RBFOX2: variants seen among roughly 807,000 people sequenced by gnomAD.
The protein encoded by RBFOX2 is RNA binding protein fox-1 homolog 2.
A neutral mutation model predicts 49.1 loss-of-function variants in RBFOX2; 10 were observed. The ratio of observed to expected loss-of-function variants is 0.20; its 90% CI spans 0.13 to 0.35. The LOEUF (loss-of-function observed/expected upper bound fraction) is 0.35, where lower values mean the gene tolerates loss of function less well. Ranked by LOEUF, RBFOX2 falls within the 10% of genes least tolerant of loss-of-function variation. RBFOX2 has a pLI of 1.00. For synonymous variants in RBFOX2, 183 were observed against 187.4 expected, an observed-to-expected ratio of 0.98 and a Z score of 0.19; for missense variants, 323 against 486.9, an observed-to-expected ratio of 0.66 and a Z score of 3.17.
chr22:35,795,135 T>A (rs943685779), intron 2 of RBFOX2, among the ~76,000 whole-genome samples: 1 of 152,186 alleles, frequency 6.6e-6, no homozygotes, highest in Non-Finnish European at 1.5e-5. Flanking sequence ...AAACTACTCA[T>A]AGACATCAAA....
chr22:35,965,896 T>C (rs951526191), upstream of RBFOX2, among the ~76,000 whole-genome samples: 3 of 152,156 alleles, frequency 2.0e-5, no homozygotes, highest in African/African-American at 4.8e-5. Context: ...AGCGATTACA[T>C]ATACAGAAAT....
At position 35,820,509 on chromosome 22, in the gene RBFOX2, A is replaced by G. The variant is rs1954232723; in HGVS notation, c.28-10505T>C. 1.3e-5 allele frequency among the ~76,000 whole-genome samples: 2 copies of G among 152,114 alleles called. 1 individual carries two copies. The highest frequency in any genetic ancestry group is 4.2e-4 in the South Asian group (2 of 4,818). Reference sequence around the variant, plus strand: ...GTTTCTAATTCACTCAAAAAGGGGGAAAATCATTCCTTCCTCCTACCCTCC... The same window carrying G: ...GTTTCTAATTCACTCAAAAAGGGGGGAAATCATTCCTTCCTCCTACCCTCC... On this transcript the variant is annotated intron_variant, in intron 1 of 11. Coordinates refer to ENST00000405409, the Ensembl canonical transcript of RBFOX2.
At chr22:35,797,925 A>C (rs544592353) in intron 2 of RBFOX2, among the ~76,000 whole-genome samples, 12 of 152,272 alleles carry the variant, frequency 7.9e-5, no homozygotes, top group Middle Eastern at 3.4e-3. Flanking sequence ...AGCATCTCTT[A>C]ATGAACCCGC....
intron 1 of RBFOX2, chr22:35,996,000 C>G (rs561616049): frequency 6.6e-6 from 1 of 152,288 alleles, no homozygotes; most frequent in African/African-American, 2.4e-5. Context: ...CAGAGGACAG[C>G]TGGAAACAGC....
At chr22:35,945,699 A>T (rs1165574383) in intron 1 of RBFOX2, among the ~76,000 whole-genome samples, 1 of 152,144 alleles carries the variant, frequency 6.6e-6, no homozygotes, top group Non-Finnish European at 1.5e-5. Flanking sequence ...GGCCTCCCAA[A>T]GTGCTGGGAT....
exon 12 of RBFOX2, chr22:35,738,922 C>T (rs1009741083): frequency 2.0e-5 from 3 of 152,502 alleles, no homozygotes; most frequent in African/African-American, 7.2e-5. Flanking sequence ...TTCACAATTC[C>T]AGCTACTTGA....
chr22:36,028,494 C>G (rs1234697898), exon 1 of RBFOX2: 1 of 1,088,746 alleles, frequency 9.2e-7, no homozygotes, highest in South Asian at 4.5e-5. Flanking sequence ...TGGGCCTCGG[C>G]CCCGACTGTC....
intron 9 of RBFOX2, chr22:35,748,096 A>C (rs1384928654): frequency 6.6e-6 from 1 of 152,186 alleles, no homozygotes; most frequent in Non-Finnish European, 1.5e-5. Flanking sequence ...TGCTTTCTCT[A>C]AATGAAGAAA....
intron 1 of RBFOX2, among the ~76,000 whole-genome samples, chr22:35,880,524 ACCC>A (rs2045748387): frequency 6.6e-6 from 1 of 152,112 alleles, no homozygotes; most frequent in East Asian, 1.9e-4. Flanking sequence ...AGAATTTAAC[ACCC>A]AGTGTATCAT....
intron 1 of RBFOX2, among the ~76,000 whole-genome samples, chr22:35,891,597 T>C (rs963194810): frequency 6.6e-6 from 1 of 152,222 alleles, no homozygotes; most frequent in Non-Finnish European, 1.5e-5. Flanking sequence ...TTCATCCATA[T>C]AGAGCATGAA....
At chr22:35,758,997 T>C (rs903195487) in intron 9 of RBFOX2, among the ~76,000 whole-genome samples, 2 of 152,230 alleles carry the variant, frequency 1.3e-5, no homozygotes, top group East Asian at 3.8e-4. Context: ...ATATGTCATA[T>C]TGACATTATC....
chr22:35,860,398 G>C (rs1021698203), intron 1 of RBFOX2, among the ~76,000 whole-genome samples: 3 of 152,184 alleles, frequency 2.0e-5, no homozygotes, highest in African/African-American at 7.2e-5. Context: ...AGACCACTGA[G>C]GCTCAGCAAA....
chr22:35,748,961 A>C (rs867467025), intron 9 of RBFOX2, among the ~76,000 whole-genome samples: 9 of 152,218 alleles, frequency 5.9e-5, no homozygotes, highest in Admixed American at 1.3e-4. Flanking sequence ...ATTCTTAAAA[A>C]ACAGGTTCTA....
intron 2 of RBFOX2, among the ~76,000 whole-genome samples, chr22:35,787,803 G>A (rs1416899290): frequency 6.6e-6 from 1 of 152,202 alleles, no homozygotes; most frequent in East Asian, 1.9e-4. Context: ...CAAGGTTGTG[G>A]TTTTCCCTTT....
intron 1 of RBFOX2, among the ~76,000 whole-genome samples, chr22:35,953,123 A>C (rs2149863492): frequency 6.8e-6 from 1 of 147,790 alleles, no homozygotes; most frequent in South Asian, 2.3e-4. Context: ...AGGCAGGAGA[A>C]TGGCATGAAC....
chr22:35,878,325 G>A (rs2149263123), intron 1 of RBFOX2, among the ~76,000 whole-genome samples: 1 of 152,278 alleles, frequency 6.6e-6, no homozygotes, highest in African/African-American at 2.4e-5. Flanking sequence ...TTGAACCCAG[G>A]AGGCGATAGC....
intron 1 of RBFOX2, among the ~76,000 whole-genome samples, chr22:35,831,785 A>T (rs1049010597): frequency 1.3e-5 from 2 of 152,210 alleles, no homozygotes; most frequent in Non-Finnish European, 2.9e-5. Flanking sequence ...ATCATAATTA[A>T]CATTAGGAAA....
At chr22:36,013,299 A>G (rs2058896301) in intron 1 of RBFOX2, among the ~76,000 whole-genome samples, 1 of 152,164 alleles carries the variant, frequency 6.6e-6, no homozygotes, top group South Asian at 2.1e-4. Flanking sequence ...TGCCTTTAAG[A>G]AAGAATTCAA....
At chr22:36,028,518 G>A in exon 1 of RBFOX2, 9 of 1,008,312 alleles carry the variant, frequency 8.9e-6, no homozygotes, top group Non-Finnish European at 1.1e-5. Flanking sequence ...ACAGGCGGGC[G>A]CGCGCCTGCC....
Sources: allele counts gnomAD v4.1 joint callset (sites outside exome capture counted in the v4.1 genomes callset), GRCh38; gene constraint gnomAD v4.1.1; transcripts MANE v1.5; gene names NCBI Gene and HGNC (gene_info 2026-07-23, HGNC 2026-07-21).